The following CNTN3 variants were observed in gnomAD, a reference collection of about 807,000 sequenced individuals.
The protein encoded by CNTN3 is contactin 3.
In CNTN3, 60 loss-of-function variants were observed where a neutral mutation model predicts 119.1. That is an observed-to-expected ratio of 0.50 (90% CI 0.41 to 0.62). The LOEUF is 0.62. CNTN3 is among the 20% of genes least tolerant of loss of function. The pLI is 0.00. For missense variants in CNTN3, 1,101 were observed against 1,242.4 expected, an observed-to-expected ratio of 0.89 and a Z score of 1.71; for synonymous variants, 450 against 438.7, an observed-to-expected ratio of 1.03 and a Z score of -0.32.
chr3:74,297,136 C>T (rs1702354759), intron 18 of CNTN3, among the ~76,000 whole-genome samples: 1 of 152,116 alleles, frequency 6.6e-6, no homozygotes, highest in Non-Finnish European at 1.5e-5. Flanking sequence ...TACCGCTGCT[C>T]CTGACTCTTC....
chr3:74,597,096 G>A (rs1275575569), intron 1 of CNTN3, among the ~76,000 whole-genome samples: 2 of 151,948 alleles, frequency 1.3e-5, no homozygotes, highest in African/African-American at 4.8e-5. Context: ...GAGGGGGGAA[G>A]GAAACTCCAG....
At chr3:74,563,257 C>G (rs941572227) in intron 1 of CNTN3, among the ~76,000 whole-genome samples, 14 of 152,070 alleles carry the variant, frequency 9.2e-5, no homozygotes, top group African/African-American at 3.4e-4. Flanking sequence ...CACTTGAAAC[C>G]CAGTAAGCCC....
chr3:74,466,929 T>C (rs998209811), intron 4 of CNTN3, among the ~76,000 whole-genome samples: 4 of 152,090 alleles, frequency 2.6e-5, no homozygotes, highest in Admixed American at 1.3e-4. Flanking sequence ...TCTGCACATA[T>C]AAAGAAGATA....
intron 1 of CNTN3, among the ~76,000 whole-genome samples, chr3:74,537,914 A>C (rs1311629239): frequency 6.6e-6 from 1 of 152,122 alleles, no homozygotes; most frequent in Non-Finnish European, 1.5e-5. Flanking sequence ...CAAGACCCAG[A>C]AACAGAGAAG....
At chr3:74,372,133 C>T (rs1158225571) in intron 5 of CNTN3, among the ~76,000 whole-genome samples, 1 of 152,078 alleles carries the variant, frequency 6.6e-6, no homozygotes, top group Non-Finnish European at 1.5e-5. Context: ...CAGTATGTAA[C>T]ATTCTGCTTA....
intron 13 of CNTN3, among the ~76,000 whole-genome samples, chr3:74,328,116 GATT>G (rs1703173814): frequency 6.6e-6 from 1 of 151,676 alleles, no homozygotes. Context: ...TTATCTGTAG[GATT>G]ATTTTTTTCA....
At chr3:74,576,285 A>G (rs1186184103) in intron 1 of CNTN3, among the ~76,000 whole-genome samples, 3 of 152,206 alleles carry the variant, frequency 2.0e-5, no homozygotes, top group Admixed American at 2.0e-4. Context: ...TGTGAAAACA[A>G]CACAGTCCCC....
At chr3:74,576,111 G>T (rs373933269) in intron 1 of CNTN3, among the ~76,000 whole-genome samples, 1 of 151,842 alleles carries the variant, frequency 6.6e-6, no homozygotes, top group East Asian at 1.9e-4. Flanking sequence ...CCCTTCTCCC[G>T]CCTCTTTTGG....
At chr3:74,535,513 G>A (rs1703751678) in intron 1 of CNTN3, among the ~76,000 whole-genome samples, 2 of 152,094 alleles carry the variant, frequency 1.3e-5, no homozygotes, top group Non-Finnish European at 2.9e-5. Context: ...CTGCCTGTAT[G>A]TAATGATCTG....
chr3:74,407,960 A>G (rs982715358), intron 5 of CNTN3, among the ~76,000 whole-genome samples: 5 of 152,082 alleles, frequency 3.3e-5, no homozygotes, highest in African/African-American at 1.2e-4. Flanking sequence ...AGGTTCCCCA[A>G]TGGTTGTTGG....
At chr3:74,361,736 T>C (rs974481217) in intron 11 of CNTN3, among the ~76,000 whole-genome samples, 154 bp downstream of exon 11, 2 of 152,226 alleles carry the variant, frequency 1.3e-5, no homozygotes, top group African/African-American at 4.8e-5. Context: ...CTTACAAAGG[T>C]ATTAAAGAAC....
chr3:74,356,396 C>T (rs1165273395), intron 11 of CNTN3, among the ~76,000 whole-genome samples: 2 of 152,174 alleles, frequency 1.3e-5, no homozygotes, highest in East Asian at 3.9e-4. Flanking sequence ...AAACCCTGGT[C>T]ATCTTTCAAG....
intron 2 of CNTN3, among the ~76,000 whole-genome samples, chr3:74,510,222 C>T (rs1015430787): frequency 1.1e-4 from 16 of 150,932 alleles, no homozygotes; most frequent in Middle Eastern, 3.4e-3. Context: ...CACTTAACTC[C>T]AACTGTAATT....
At chr3:74,310,736 G>A (rs995451740) in intron 13 of CNTN3, among the ~76,000 whole-genome samples, 4 of 152,132 alleles carry the variant, frequency 2.6e-5, no homozygotes, top group Non-Finnish European at 5.9e-5. Flanking sequence ...AATTTCAGGA[G>A]GAGAGGGATA....
intron 1 of CNTN3, among the ~76,000 whole-genome samples, chr3:74,573,205 G>C (rs1434360842): frequency 2.0e-5 from 3 of 151,950 alleles, no homozygotes; most frequent in African/African-American, 7.3e-5. Context: ...AAATGATCTA[G>C]GACACCCCAG....
chr3:74,295,021 G>C (rs1575704134), intron 19 of CNTN3, 100 bp downstream of exon 19: 1 of 737,466 alleles, frequency 1.4e-6, no homozygotes, highest in Non-Finnish European at 2.2e-6. Context: ...TTCGGCCAAA[G>C]ACAGACTTCA....
intron 11 of CNTN3, among the ~76,000 whole-genome samples, chr3:74,359,481 C>T (rs1704029507): frequency 6.6e-6 from 1 of 151,968 alleles, no homozygotes; most frequent in African/African-American, 2.4e-5. Flanking sequence ...AAAATGTCAG[C>T]AGTTCTAAAG....
At chr3:74,410,786 G>C (rs551213409) in intron 5 of CNTN3, among the ~76,000 whole-genome samples, 1 of 152,096 alleles carries the variant, frequency 6.6e-6, no homozygotes, top group Non-Finnish European at 1.5e-5. Flanking sequence ...ACACCAGCCT[G>C]TTATTACTAG....
intron 4 of CNTN3, among the ~76,000 whole-genome samples, chr3:74,465,414 C>CA (rs1198449071): frequency 6.6e-6 from 1 of 151,934 alleles, no homozygotes; most frequent in Non-Finnish European, 1.5e-5. Context: ...AACAAATAAA[C>CA]AAAAAACCTA....
Sources: gnomAD v4.1 joint callset for allele counts (sites outside exome capture counted in the v4.1 genomes callset) on GRCh38, gnomAD v4.1.1 for gene constraint, MANE v1.5 for transcripts, NCBI Gene and HGNC (gene_info 2026-07-23, HGNC 2026-07-21) for gene names.